SETD5: variants seen among roughly 807,000 people sequenced by gnomAD.
The protein encoded by SETD5 is histone-lysine N-methyltransferase SETD5.
Under a neutral mutation model 153.3 loss-of-function variants are expected in SETD5, and 44 were observed. The ratio of observed to expected loss-of-function variants is 0.29; its 90% CI spans 0.23 to 0.37. The LOEUF (loss-of-function observed/expected upper bound fraction) is 0.37. Ranked by LOEUF, SETD5 falls within the 10% of genes least tolerant of loss-of-function variation. The pLI, the probability that SETD5 is intolerant of heterozygous loss-of-function variation, is 1.00. For missense variants in SETD5, 1,544 were observed against 1,768.0 expected, an observed-to-expected ratio of 0.87 and a Z score of 2.27; for synonymous variants, 716 against 645.2, an observed-to-expected ratio of 1.11 and a Z score of -1.66.
chr3:9,441,857 A>T (rs748494686), intron 9 of SETD5, 116 bp downstream of exon 9: 1 of 1,258,248 alleles, frequency 7.9e-7, no homozygotes, highest in Non-Finnish European at 1.1e-6. Flanking sequence ...CACAACTCAG[A>T]TAAGCTCACA....
intron 7 of SETD5, among the ~76,000 whole-genome samples, chr3:9,438,608 C>A (rs555897909): frequency 3.7e-4 from 57 of 152,264 alleles, no homozygotes; most frequent in African/African-American, 1.3e-3. Context: ...TAGTTTAAAA[C>A]TCCTCCAGTG....
chr3:9,470,817 G>A lies in SETD5; in HGVS notation c.3083G>A (p.Arg1028Lys), dbSNP rs2045214962. The A allele has an allele frequency of 6.2e-7, 1 of 1,613,430 alleles. No homozygotes were observed. The highest frequency in any genetic ancestry group is 8.5e-7 in the Non-Finnish European group (1 of 1,179,598). ...YCSPAEGFSS[R>K]YEHGLMKDLS... ...TCCCCTGCAGAAGGATTTTCCAGCA[G>A]ATATGAACATGGCTTAATGAAAGAC... is the stretch of plus-strand genomic sequence containing the variant. Residue 1028 changes from arginine (R) to lysine (K), a missense_variant, in exon 19 of 23, where the codon AGA (arginine) becomes AAA (lysine). Physicochemically the swap from Arg to Lys is conservative, Grantham distance 26. Transcript: ENST00000402198.
At chr3:9,398,986 C>T (rs1014043025) in intron 1 of SETD5, among the ~76,000 whole-genome samples, 1 of 152,176 alleles carries the variant, frequency 6.6e-6, no homozygotes, top group Non-Finnish European at 1.5e-5. Flanking sequence ...GCAATGTATT[C>T]ACCGGTAACT....
intron 1 of SETD5, among the ~76,000 whole-genome samples, chr3:9,417,777 G>A (rs565450488): frequency 6.6e-6 from 1 of 150,564 alleles, no homozygotes; most frequent in African/African-American, 2.4e-5. Context: ...GATCCACTGC[G>A]CCTGGCCAAG....
intron 1 of SETD5, among the ~76,000 whole-genome samples, chr3:9,412,408 T>TG (rs2036732429): frequency 7.0e-6 from 1 of 143,586 alleles, no homozygotes; most frequent in Admixed American, 7.2e-5. Flanking sequence ...TTTTTTTTTT[T>TG]TTTTTTTTTA....
At chr3:9,405,346 T>A (rs1446053894) in intron 1 of SETD5, among the ~76,000 whole-genome samples, 1 of 152,236 alleles carries the variant, frequency 6.6e-6, no homozygotes, top group African/African-American at 2.4e-5. Context: ...GATTTATGAC[T>A]AAAATAAGGT....
At chr3:9,465,045 C>G (rs1348635731) in intron 18 of SETD5, 1 of 242,164 alleles carries the variant, frequency 4.1e-6, no homozygotes, top group Non-Finnish European at 8.3e-6. Flanking sequence ...CCTGAGAGCA[C>G]AGATGATATT....
chr3:9,421,132 G>A (rs2038331740), intron 1 of SETD5, among the ~76,000 whole-genome samples: 1 of 151,916 alleles, frequency 6.6e-6, no homozygotes, highest in South Asian at 2.1e-4. Flanking sequence ...GAGCTAGTTG[G>A]CAGCAGTGCC....
At chr3:9,462,838 A>C (rs184432735) in intron 17 of SETD5, among the ~76,000 whole-genome samples, 23 of 152,274 alleles carry the variant, frequency 1.5e-4, no homozygotes, top group Middle Eastern at 3.4e-3. Flanking sequence ...GGATGATAAT[A>C]ATAGTGCTTG....
chr3:9,429,210 G>A (rs760854851), intron 3 of SETD5: 5 of 347,926 alleles, frequency 1.4e-5, no homozygotes, highest in African/African-American at 2.1e-5. Flanking sequence ...TTTCAGAGGG[G>A]TATTTCTGGG....
At chr3:9,422,939 T>G (rs1178317607) in intron 1 of SETD5, among the ~76,000 whole-genome samples, 1 of 152,252 alleles carries the variant, frequency 6.6e-6, no homozygotes, top group African/African-American at 2.4e-5. Flanking sequence ...AGGCCTGTTC[T>G]CTTTCTGAAG....
At chr3:9,425,464 C>G (rs1205765990) in intron 2 of SETD5, among the ~76,000 whole-genome samples, 1 of 151,826 alleles carries the variant, frequency 6.6e-6, no homozygotes, top group East Asian at 1.9e-4. Context: ...AAGATGTTAT[C>G]TGAAGTAACT....
chr3:9,473,475 A>T lies in SETD5; in HGVS notation c.3435A>T (p.Pro1145=). The stretch of plus-strand genomic sequence containing the variant: ...TGTCCCATTTGGAGGCGGTAAGCCC[A>T]TCAGATTCCAGAGGCACTTCTTCAT... The part of the protein sequence containing the change: ...SSMSHLEAVS[P]SDSRGTSSSH... Residue 1145 remains proline (P), a synonymous_variant, in exon 20 of 23, where the codon CCA becomes CCT. Coordinates refer to ENST00000402198, the MANE Select transcript of SETD5 (RefSeq NM_001080517.3). The T allele has an allele frequency of 6.2e-7, 1 of 1,613,912 alleles. No individual in the cohort carries two copies. The highest frequency in any genetic ancestry group is 8.5e-7 in the Non-Finnish European group (1 of 1,179,848).
chr3:9,446,307 A>G (rs1374395707), intron 13 of SETD5, among the ~76,000 whole-genome samples: 2 of 4,174 alleles, frequency 4.8e-4, no homozygotes, highest in Non-Finnish European at 1.8e-3. Flanking sequence ...AAAAAAAAAA[A>G]ATCTGGTTTC....
intron 10 of SETD5, among the ~76,000 whole-genome samples, chr3:9,442,540 G>C (rs1234013614): frequency 1.3e-5 from 2 of 152,204 alleles, no homozygotes; most frequent in African/African-American, 4.8e-5. Flanking sequence ...TTGCCATACG[G>C]TGGAAGTAGA....
At chr3:9,406,108 CT>C in intron 1 of SETD5, among the ~76,000 whole-genome samples, 1 of 152,192 alleles carries the variant, frequency 6.6e-6, no homozygotes, top group African/African-American at 2.4e-5. Flanking sequence ...TGAGAGTTGA[CT>C]TGTTTTATAA....
At chr3:9,429,033 A>G (rs747800855) in intron 3 of SETD5, 24 bp downstream of exon 3, 16 of 1,567,538 alleles carry the variant, frequency 1.0e-5, no homozygotes, top group Non-Finnish European at 1.2e-5. Flanking sequence ...TCTAGGTAGT[A>G]GGTACATTAT....
rs781152314 is a variant in SETD5, at chr3:9,434,372, G to T, written c.216G>T (p.Ser72=). The T allele has an allele frequency of 5.0e-6, 8 of 1,613,714 alleles. No homozygotes were observed. The East Asian group carries it at 1.3e-4, about 27-fold the overall frequency. ...GTTCTGACCTGAATGGCCTGCCGTC[G>T]CCTGTAGAGGAACGCTGTGGAGACA... ...IPRSDLNGLP[S]PVEERCGDSP... is the part of the protein sequence containing the mutation. Residue 72 remains serine, a synonymous_variant, in exon 5 of 23, where the codon TCG becomes TCT. Transcript: ENST00000402198. The surrounding 1 kb of genome is among the most constrained non-coding windows in gnomAD (Gnocchi z 5.6).
At position 9,475,541 on chromosome 3, in the gene SETD5, C is replaced by A. The variant is rs1265829808; in HGVS notation, c.3779C>A (p.Ser1260Tyr). The change falls in exon 23 of 23, where the codon TCC becomes TAC. Residue 1260 changes from serine to tyrosine, a missense_variant. Coordinates refer to ENST00000402198, the MANE Select transcript of SETD5 (RefSeq NM_001080517.3). ...CAAAGCCTCCTTCAGCAGAGTTCCT[C>A]CCCCTTCAGAGGACATCCTACACAG... is the stretch of plus-strand genomic sequence containing the variant. ...ESQSLLQQSS[S>Y]PFRGHPTQSP... 1 of 1,613,956 alleles carries A rather than the reference C, an allele frequency of 6.2e-7. No homozygotes were observed. The highest frequency in any genetic ancestry group is 8.5e-7 in the Non-Finnish European group (1 of 1,179,892).
Sources: allele counts gnomAD v4.1 joint callset (sites outside exome capture counted in the v4.1 genomes callset), GRCh38; gene constraint gnomAD v4.1.1; non-coding constraint Gnocchi (gnomAD v3.1); transcripts MANE v1.5; gene names NCBI Gene and HGNC (gene_info 2026-07-23, HGNC 2026-07-21).